Variants in ZNF236 observed in about 807,000 individuals in gnomAD.
ZNF236 encodes the protein zinc finger protein 236.
A neutral mutation model predicts 191.2 loss-of-function variants in ZNF236; 50 were observed. The observed-to-expected ratio is 0.26, with a 90% CI of 0.21 to 0.33. The LOEUF is 0.33. Ranked by LOEUF, ZNF236 falls within the 10% of genes least tolerant of loss-of-function variation. ZNF236 has a pLI of 1.00. For synonymous variants in ZNF236, 907 were observed against 928.8 expected, an observed-to-expected ratio of 0.98 and a Z score of 0.43; for missense variants, 1,754 against 2,374.5, an observed-to-expected ratio of 0.74 and a Z score of 5.43.
chr18:76,880,173 A>T lies in ZNF236; in HGVS notation c.1045A>T (p.Ser349Cys). 1.9e-6 allele frequency: 3 copies of T among 1,614,146 alleles called. No homozygotes were observed. The highest frequency in any genetic ancestry group is 2.5e-6 in the Non-Finnish European group (3 of 1,180,014). ...QTEAQATSASSQPSSQAVSDV... is the reference protein window; with the variant it reads ...QTEAQATSASCQPSSQAVSDV... ...GGAAGCCCAAGCCACGTCGGCCTCAAGCCAGCCGAGCTCCCAGGCGGTGAG... is the reference window on the plus strand; with the variant it reads ...GGAAGCCCAAGCCACGTCGGCCTCATGCCAGCCGAGCTCCCAGGCGGTGAG... Residue 349 changes from serine to cysteine, a missense_variant, in exon 8 of 31, where the codon AGC becomes TGC. Ser to Cys is a moderately radical substitution (Grantham distance 112). This residue lies in a region of ZNF236 where 336 missense variants were observed against 495.1 expected (regional missense o/e 0.68). Coordinates refer to ENST00000320610, the MANE Select transcript of ZNF236 (RefSeq NM_001306089.2). This position sits in a 1 kb window ranked among gnomAD's most constrained non-coding sequence, Gnocchi z 5.0.
In ZNF236 at chr18:76,912,236, A is replaced by C; in HGVS notation, c.2806-8A>C. On this transcript the variant is annotated splice_polypyrimidine_tract_variant and splice_region_variant and intron_variant, in intron 16 of 30. Transcript: ENST00000320610. ...AGTAGTTTGCTTTATACTTCTCTTA[A>C]ATTTTAGACAACTCGCTTGATTCAG... 2 of 1,610,734 alleles carry C rather than the reference A, an allele frequency of 1.2e-6. No individual in the cohort carries two copies. The highest frequency in any genetic ancestry group is 1.7e-6 in the Non-Finnish European group (2 of 1,177,766).
chr18:76,937,313 G>T lies in ZNF236; in HGVS notation c.4752G>T (p.Leu1584=). ...ADTQGMLSGG[L]DTVTLNITSQ... ...CTCAGGGTATGCTATCTGGAGGCCT[G>T]GACACTGTCACACTCAACATCACCT... Residue 1584 remains leucine, a synonymous_variant, in exon 26 of 31, where the codon CTG becomes CTT. Transcript: ENST00000320610. 6.2e-7 allele frequency: 1 copy of T among 1,613,604 alleles called. No individual in the cohort carries two copies. The highest frequency in any genetic ancestry group is 8.5e-7 in the Non-Finnish European group (1 of 1,179,790).
chr18:76,948,245 C>T (rs470905), intron 27 of ZNF236, among the ~76,000 whole-genome samples: 75,146 of 152,016 alleles, frequency 0.49, 20,426 homozygotes, highest in Non-Finnish European at 0.61. Flanking sequence ...GATGAATAAT[C>T]TCTGAATTTA....
In ZNF236 at chr18:76,910,755, A is replaced by G; in HGVS notation, c.2749A>G (p.Thr917Ala). ...CACACTTGAGTCTCAGGCCCTCTCC[A>G]CAAGCTTCCACCAGCAGAGCTTGCT... ...SSTLESQALS[T>A]SFHQQSLLQA... The change falls in exon 16 of 31, where the codon ACA becomes GCA. Residue 917 changes from threonine to alanine, a missense_variant. Thr to Ala is a moderately conservative substitution (Grantham distance 58). Transcript: ENST00000320610. 6.2e-7 allele frequency: 1 copy of G among 1,614,166 alleles called. No individual in the cohort carries two copies. The highest frequency in any genetic ancestry group is 1.1e-5 in the South Asian group (1 of 91,078).
At chr18:76,966,230 C>G (rs912315929) in intron 30 of ZNF236, among the ~76,000 whole-genome samples, 5 of 152,182 alleles carry the variant, frequency 3.3e-5, no homozygotes, top group African/African-American at 1.2e-4. Context: ...GAGGTGCAGT[C>G]TAGTCCTGCC....
At chr18:76,857,695 C>T (rs964236188) in intron 3 of ZNF236, among the ~76,000 whole-genome samples, 15 of 152,326 alleles carry the variant, frequency 9.8e-5, no homozygotes, top group South Asian at 4.1e-4. Flanking sequence ...CGGCCTTTCC[C>T]GGGCTGCCTT....
At position 76,847,440 on chromosome 18, in the gene ZNF236, A is replaced by G. The variant is rs114367493; in HGVS notation, c.56-2086A>G. On this transcript the variant is annotated intron_variant, in intron 1 of 30. Transcript: ENST00000320610. The stretch of plus-strand genomic sequence containing the variant: ...TTGTATATCAATTGCTAGGGTCCCA[A>G]CAATCATTTTATTTTATTTATTTTT... Among the ~76,000 whole-genome samples, 667 of 152,102 alleles carry G rather than the reference A, an allele frequency of 4.4e-3. 6 individuals are homozygous for G. Among genetic ancestry groups the G allele is most frequent in the African/African-American group, 0.015 (639 of 41,534 alleles).
At chr18:76,934,547 G>A (rs1967943890) in intron 25 of ZNF236, among the ~76,000 whole-genome samples, 1 of 152,192 alleles carries the variant, frequency 6.6e-6, no homozygotes, top group South Asian at 2.1e-4. Context: ...AAGAAGCAAA[G>A]ACCAGTATTT....
chr18:76,951,246 A>G (rs1307685456), intron 27 of ZNF236, among the ~76,000 whole-genome samples: 1 of 152,198 alleles, frequency 6.6e-6, no homozygotes, highest in Non-Finnish European at 1.5e-5. Flanking sequence ...GAAGCCAGAC[A>G]CTGACTTTTC....
At chr18:76,837,440 T>TC (rs1157896171) in intron 1 of ZNF236, among the ~76,000 whole-genome samples, 5 of 142,194 alleles carry the variant, frequency 3.5e-5, no homozygotes, top group South Asian at 4.6e-4. Flanking sequence ...TCTTTTTCTT[T>TC]TTTTTTTTTT....
chr18:76,894,047 G>A (rs1388432522), intron 9 of ZNF236, among the ~76,000 whole-genome samples: 2 of 152,158 alleles, frequency 1.3e-5, no homozygotes, highest in African/African-American at 4.8e-5. Flanking sequence ...AAATCTTTCT[G>A]ATTTCATGTG....
At chr18:76,954,314 G>A (rs1968473924) in intron 27 of ZNF236, among the ~76,000 whole-genome samples, 1 of 152,182 alleles carries the variant, frequency 6.6e-6, no homozygotes, top group African/African-American at 2.4e-5. Context: ...TGAGTAAAAT[G>A]TTTGGTTCAG....
chr18:76,853,153 A>G (rs958273929), intron 3 of ZNF236, among the ~76,000 whole-genome samples: 2 of 151,334 alleles, frequency 1.3e-5, no homozygotes, highest in African/African-American at 4.9e-5. Flanking sequence ...ATCTTAACTC[A>G]CTTCAACCTC....
intron 19 of ZNF236, among the ~76,000 whole-genome samples, chr18:76,916,569 T>C (rs1268582459): frequency 6.6e-6 from 1 of 152,252 alleles, no homozygotes; most frequent in African/African-American, 2.4e-5. Flanking sequence ...TTTGTGCTTA[T>C]ACTTTTTGTA....
chr18:76,830,833 AC>A (rs1468681047), intron 1 of ZNF236, among the ~76,000 whole-genome samples: 1 of 152,156 alleles, frequency 6.6e-6, no homozygotes, highest in East Asian at 1.9e-4. Context: ...CTATACTAAT[AC>A]AGTTTTTATG....
intron 19 of ZNF236, among the ~76,000 whole-genome samples, chr18:76,917,855 T>C (rs1967414952): frequency 6.6e-6 from 1 of 152,182 alleles, no homozygotes; most frequent in Non-Finnish European, 1.5e-5. Flanking sequence ...TTCAGTTTGC[T>C]GTATCTTTTT....
chr18:76,919,640 T>A lies in ZNF236; in HGVS notation c.3275-136T>A. 2.8e-6 allele frequency: 3 copies of A among 1,080,298 alleles called. No homozygotes were observed. The highest frequency in any genetic ancestry group is 3.9e-6 in the Non-Finnish European group (3 of 762,256). 66.9% of individuals were successfully genotyped at this position (1,080,298 alleles called of 1,614,324 possible). A position where few individuals can be genotyped will look rare whatever the true frequency, so the allele number is the denominator to read the frequency against. ...AATAGAGGTGGGAAAATATAGCAAC[T>A]CTCTACCATCATAAAAATAGCTTGG... is the stretch of plus-strand genomic sequence containing the variant. On this transcript the variant is annotated intron_variant, in intron 19 of 30. Coordinates refer to ENST00000320610, the MANE Select transcript of ZNF236 (RefSeq NM_001306089.2). This position sits in a 1 kb window ranked among gnomAD's most constrained non-coding sequence, Gnocchi z 5.3.
chr18:76,925,240 G>A lies in ZNF236; in HGVS notation c.3713G>A (p.Gly1238Glu). The change falls in exon 22 of 31, where the codon GGA (glycine) becomes GAA (glutamate). Residue 1238 changes from glycine (G) to glutamate (E), a missense_variant. Around this residue, in one of 5 missense-constraint regions of ZNF236, gnomAD observed 45 missense variants for 137.4 expected, o/e 0.33. Transcript: ENST00000320610. The surrounding 1 kb of genome is among the most constrained non-coding windows in gnomAD (Gnocchi z 5.7). ...HVCSNAFSTK[G>E]SLKVHMRLHT... The stretch of plus-strand genomic sequence containing the variant: ...TGCAGCAACGCCTTCTCCACGAAGG[G>A]AAGTCTGAAGGTCCACATGCGCCTG... 6.2e-7 allele frequency: 1 copy of A among 1,614,186 alleles called. No homozygotes were observed. Among genetic ancestry groups the A allele is most frequent in the Non-Finnish European group, 8.5e-7 (1 of 1,180,034 alleles).
At chr18:76,836,053 G>T (rs932437889) in intron 1 of ZNF236, among the ~76,000 whole-genome samples, 12 of 151,856 alleles carry the variant, frequency 7.9e-5, no homozygotes, top group African/African-American at 2.9e-4. Context: ...GATTACAGGC[G>T]CCCACCACCA....
Sources: allele counts gnomAD v4.1 joint callset (sites outside exome capture counted in the v4.1 genomes callset), GRCh38; gene constraint gnomAD v4.1.1; regional missense constraint gnomAD v4.1.1; non-coding constraint Gnocchi (gnomAD v3.1); transcripts MANE v1.5; gene names NCBI Gene and HGNC (gene_info 2026-07-23, HGNC 2026-07-21).